The following CPNE4 variants were observed in gnomAD, a reference collection of about 807,000 sequenced individuals.
CPNE4 encodes copine-4.
A neutral mutation model predicts 67.9 loss-of-function variants in CPNE4; 25 were observed. The ratio of observed to expected loss-of-function variants is 0.37; its 90% CI spans 0.27 to 0.51. The LOEUF (loss-of-function observed/expected upper bound fraction) is 0.51. CPNE4 is among the 20% of genes least tolerant of loss of function. CPNE4 has a pLI of 0.93. For missense variants in CPNE4, 464 were observed against 690.8 expected (o/e 0.67, Z 3.68); for synonymous variants, 242 against 244.9 (o/e 0.99, Z 0.11).
At chr3:131,942,300 C>T (rs2071411092) in intron 1 of CPNE4, among the ~76,000 whole-genome samples, 1 of 151,850 alleles carries the variant, frequency 6.6e-6, no homozygotes, top group Non-Finnish European at 1.5e-5. Flanking sequence ...ACTATAAGAG[C>T]ACAAAGTGAC....
chr3:131,641,280 A>G (rs1171797819), intron 7 of CPNE4, among the ~76,000 whole-genome samples: 1 of 152,196 alleles, frequency 6.6e-6, no homozygotes, highest in African/African-American at 2.4e-5. Flanking sequence ...ACAAAGGACT[A>G]ATATCCAAAA....
chr3:131,640,583 C>G (rs1457053313), intron 7 of CPNE4, among the ~76,000 whole-genome samples: 1 of 152,026 alleles, frequency 6.6e-6, no homozygotes, highest in South Asian at 2.1e-4. Flanking sequence ...TGAAAATGAC[C>G]ATACTGCCAA....
In CPNE4 at chr3:131,711,051, T is replaced by C. The variant is rs553469030; in HGVS notation, c.361-11071A>G. Among the ~76,000 whole-genome samples, 17 of 152,300 alleles carry C rather than the reference T, an allele frequency of 1.1e-4. No individual in the cohort carries two copies. The East Asian group carries it at 3.1e-3, about 28-fold the overall frequency. On this transcript the variant is annotated intron_variant, in intron 3 of 15. Transcript: ENST00000429747. ...ATACTAGCTATGAAAATGATTATCA[T>C]CAAGTGGTCGTAAAATATATTGTCC...
chr3:131,921,778 T>C (rs2070745046), intron 1 of CPNE4, among the ~76,000 whole-genome samples: 1 of 151,898 alleles, frequency 6.6e-6, no homozygotes, highest in Admixed American at 6.6e-5. Flanking sequence ...TAAAAGAGAG[T>C]TCTGCAAGTA....
intron 2 of CPNE4, among the ~76,000 whole-genome samples, chr3:131,753,193 A>G (rs2082672956): frequency 6.6e-6 from 1 of 151,948 alleles, no homozygotes; most frequent in Non-Finnish European, 1.5e-5. Context: ...TTATGTAATA[A>G]GTCCTCAACT....
chr3:131,950,339 G>T (rs1433008705), intron 1 of CPNE4, among the ~76,000 whole-genome samples: 1 of 152,178 alleles, frequency 6.6e-6, no homozygotes, highest in African/African-American at 2.4e-5. Context: ...CAGCCTTCTT[G>T]CATTTCAGAT....
intron 1 of CPNE4, among the ~76,000 whole-genome samples, chr3:132,013,672 T>C (rs1421347063): frequency 6.6e-6 from 1 of 152,236 alleles, no homozygotes; most frequent in East Asian, 1.9e-4. Flanking sequence ...TGCTAACATT[T>C]TGGGAATAAT....
At chr3:131,622,123 C>T (rs1940510484) in intron 7 of CPNE4, among the ~76,000 whole-genome samples, 1 of 151,944 alleles carries the variant, frequency 6.6e-6, no homozygotes, top group Non-Finnish European at 1.5e-5. Flanking sequence ...GCTTCTTAAG[C>T]CCATGTCTCC....
chr3:131,612,767 T>A (rs185009720), intron 7 of CPNE4, among the ~76,000 whole-genome samples: 12 of 152,322 alleles, frequency 7.9e-5, no homozygotes, highest in Non-Finnish European at 4.4e-5. Context: ...AGCAGTTAGT[T>A]GTTGTCTATT....
intron 2 of CPNE4, among the ~76,000 whole-genome samples, chr3:131,779,607 G>C (rs902462164): frequency 5.3e-5 from 8 of 152,054 alleles, no homozygotes; most frequent in African/African-American, 1.9e-4. Flanking sequence ...TCAATAAATG[G>C]TTGTGGAATA....
chr3:131,696,196 A>G (rs2081153313), intron 5 of CPNE4, among the ~76,000 whole-genome samples: 1 of 152,238 alleles, frequency 6.6e-6, no homozygotes, highest in Non-Finnish European at 1.5e-5. Context: ...CTTGGCAAAC[A>G]TAGGTGCTCA....
At chr3:131,787,090 C>G (rs1461472531) in intron 2 of CPNE4, among the ~76,000 whole-genome samples, 2 of 152,164 alleles carry the variant, frequency 1.3e-5, no homozygotes, top group Non-Finnish European at 2.9e-5. Context: ...ATGCACCCAT[C>G]ATGCTTCAGT....
intron 2 of CPNE4, among the ~76,000 whole-genome samples, chr3:131,786,020 C>G (rs908982862): frequency 6.6e-6 from 1 of 152,080 alleles, no homozygotes; most frequent in Non-Finnish European, 1.5e-5. Context: ...ACTTCCATAT[C>G]TATGGAGGGG....
intron 11 of CPNE4, among the ~76,000 whole-genome samples, chr3:131,561,187 G>A (rs1467646355): frequency 1.3e-5 from 2 of 152,006 alleles, no homozygotes; most frequent in Non-Finnish European, 2.9e-5. Context: ...ATAGCAGACA[G>A]ACCATGCTTT....
chr3:131,641,748 G>A (rs773750039), intron 7 of CPNE4, among the ~76,000 whole-genome samples: 7 of 152,126 alleles, frequency 4.6e-5, no homozygotes, highest in Non-Finnish European at 8.8e-5. Flanking sequence ...GCAAAAATAT[G>A]GAACCAGCCC....
At chr3:131,750,803 C>T (rs1583137580) in intron 2 of CPNE4, among the ~76,000 whole-genome samples, 1 of 152,004 alleles carries the variant, frequency 6.6e-6, no homozygotes, top group Non-Finnish European at 1.5e-5. Context: ...ATTTAAAGAA[C>T]TTTGTCTCAC....
intron 3 of CPNE4, among the ~76,000 whole-genome samples, chr3:131,717,846 C>T (rs7643169): frequency 2.5e-5 from 1 of 40,124 alleles, no homozygotes; most frequent in Admixed American, 2.6e-4. Context: ...TCCTTCCTTC[C>T]TTCCTCGCTC....
At chr3:131,546,536 G>T (rs760174051) in intron 14 of CPNE4, among the ~76,000 whole-genome samples, 6 of 152,148 alleles carry the variant, frequency 3.9e-5, no homozygotes, top group Non-Finnish European at 5.9e-5. Flanking sequence ...AAGAACAGGA[G>T]AAACCTCTGG....
chr3:132,039,470 T>A (rs2074380589), upstream of CPNE4: 1 of 152,252 alleles, frequency 6.6e-6, no homozygotes, highest in South Asian at 2.1e-4. Context: ...GTTTTCAGCT[T>A]TTTATTACAA....
Sources: gnomAD v4.1 joint callset for allele counts (sites outside exome capture counted in the v4.1 genomes callset) on GRCh38, gnomAD v4.1.1 for gene constraint, MANE v1.5 for transcripts, NCBI Gene and HGNC (gene_info 2026-07-23, HGNC 2026-07-21) for gene names.